PPL: variants seen among roughly 807,000 people sequenced by gnomAD.
PPL encodes the protein 190 kDa paraneoplastic pemphigus antigen.
A neutral mutation model predicts 194.4 loss-of-function variants in PPL; 198 were observed. The observed-to-expected ratio is 1.02, with a 90% confidence interval of 0.91 to 1.15. The LOEUF (loss-of-function observed/expected upper bound fraction) is 1.15, where lower values mean the gene tolerates loss of function less well. PPL is among the 50% of genes most tolerant of loss of function. The probability of loss-of-function intolerance (pLI) is 0.00; values close to 1 mark genes in which losing one functional copy is unlikely to be tolerated. For synonymous variants in PPL, 1,220 were observed against 972.4 expected, an observed-to-expected ratio of 1.25 and a Z score of -4.74; for missense variants, 2,885 against 2,294.8, an observed-to-expected ratio of 1.26 and a Z score of -5.25.
At chr16:4,890,634 G>T in intron 17 of PPL, 94 bp downstream of exon 17, 1 of 1,421,378 alleles carries the variant, frequency 7.0e-7, no homozygotes, top group Non-Finnish European at 9.4e-7. Context: ...AAGAAAAACA[G>T]CAAAATCTGT....
rs1388182499 is a variant in PPL, at chr16:4,933,609, G to C, written c.62+3375C>G. Among the ~76,000 whole-genome samples, 4 of 152,304 alleles carry C rather than the reference G, an allele frequency of 2.6e-5. No homozygotes were observed. The East Asian group carries it at 5.8e-4, about 22-fold the overall frequency. On this transcript the variant is annotated intron_variant, in intron 1 of 21. Coordinates refer to ENST00000345988, the MANE Select transcript of PPL (RefSeq NM_002705.5). ...GAGGCCTGTCACAAAGTATGTGAGT[G>C]GCCAGGGTGGAGACCTCATCTGTCC... is the stretch of plus-strand genomic sequence containing the variant.
rs1596543490 is a variant in PPL at position 4,886,033 on chromosome 16, T to C, written c.2622A>G (p.Glu874=). 2 of 1,613,986 alleles carry C rather than the reference T, an allele frequency of 1.2e-6. No homozygotes were observed. Among genetic ancestry groups the C allele is most frequent in the East Asian group, 4.5e-5 (2 of 44,884 alleles). ...LNLLRQQPEV[E]VTHETLQRNR... ...TCCTTTGCAGGGTCTCATGGGTCAC[T>C]TCTACTTCCGGCTGCTGTGATGGAG... is the stretch of plus-strand genomic sequence containing the variant. The change falls in exon 22 of 22, where the codon GAA becomes GAG. Residue 874 remains glutamate, a synonymous_variant. Transcript: ENST00000345988.
In PPL at chr16:4,895,529, G is replaced by A. The variant is rs367798800; in HGVS notation, c.1095+65C>T. Reference sequence around the variant, plus strand: ...GTGGAGGGGCCTGTACAGGGCTGAGGGCAGGCATGGTGTAGAGGGGTCCCC... The same window carrying A: ...GTGGAGGGGCCTGTACAGGGCTGAGAGCAGGCATGGTGTAGAGGGGTCCCC... On this transcript the variant is annotated intron_variant, in intron 10 of 21. Transcript: ENST00000345988. The A allele has an allele frequency of 3.4e-5, 54 of 1,610,842 alleles. No homozygotes were observed. In the East Asian group the frequency reaches 1.1e-3, roughly 33 times the overall value.
chr16:4,927,139 A>G (rs2089169407), intron 1 of PPL, among the ~76,000 whole-genome samples: 2 of 152,188 alleles, frequency 1.3e-5, no homozygotes, highest in Admixed American at 1.3e-4. Context: ...TTAAAAGATA[A>G]AAGACTCTCC....
At chr16:4,916,321 C>T (rs2088915689) in intron 1 of PPL, among the ~76,000 whole-genome samples, 1 of 151,078 alleles carries the variant, frequency 6.6e-6, no homozygotes, top group Admixed American at 6.6e-5. Context: ...AAATGATTCT[C>T]CTACCTCAGC....
At position 4,896,641 on chromosome 16, in the gene PPL, T is replaced by TG. The variant is rs1344147771; in HGVS notation, c.973-926_973-925insC. Among the ~76,000 whole-genome samples, 528 of 146,530 alleles carry TG rather than the reference T, an allele frequency of 3.6e-3. 4 individuals carry two copies. The highest frequency in any genetic ancestry group is 0.012 in the African/African-American group (500 of 40,120). The stretch of plus-strand genomic sequence containing the variant: ...TACTGCCTAATGAGTACGGGGTTGT[T>TG]TTTTTTTTTTTTTTTTGAGGCGGAG... On this transcript the variant is annotated intron_variant, in intron 9 of 21. Transcript: ENST00000345988.
chr16:4,898,193 C>T (rs1019916824), intron 8 of PPL, among the ~76,000 whole-genome samples: 2 of 152,160 alleles, frequency 1.3e-5, no homozygotes, highest in African/African-American at 4.8e-5. Flanking sequence ...GCCTGGCCCA[C>T]ATGATGAGAC....
Position 4,902,949 on chromosome 16 carries a change from G to A in PPL, c.318-423C>T, listed in dbSNP as rs1050638450. 1.1e-4 allele frequency among the ~76,000 whole-genome samples: 16 copies of A among 152,254 alleles called. No individual in the cohort carries two copies. Among genetic ancestry groups the A allele is most frequent in the African/African-American group, 3.6e-4 (15 of 41,540 alleles). On this transcript the variant is annotated intron_variant, in intron 3 of 21. Transcript: ENST00000345988. This position sits in a 1 kb window ranked among gnomAD's most constrained non-coding sequence, Gnocchi z 4.0. ...GGTGATCCGTCCGCTTCGGCCTCCC[G>A]AAGTGCTGGGATCACAGGCGTGAGC...
chr16:4,919,019 A>T (rs1568046441), intron 1 of PPL, among the ~76,000 whole-genome samples: 1 of 152,164 alleles, frequency 6.6e-6, no homozygotes, highest in Non-Finnish European at 1.5e-5. Context: ...CCATGCAGAC[A>T]CAGACAGCAG....
rs145927654 is a variant in PPL at position 4,918,292 on chromosome 16, C to CAA, written c.63-7345_63-7344dup. On this transcript the variant is annotated intron_variant, in intron 1 of 21. Coordinates refer to ENST00000345988, the MANE Select transcript of PPL (RefSeq NM_002705.5). ...TGGGCGACAGAGCAAGACTCCATTT[C>CAA]AAAAAAAAAAAAAAGGCAAGTGCCA... is the stretch of plus-strand genomic sequence containing the variant. Among the ~76,000 whole-genome samples the CAA allele has an allele frequency of 3.9e-3, 545 of 138,316 alleles. 1 individual carries two copies. The highest frequency in any genetic ancestry group is 8.8e-3 in the South Asian group (38 of 4,330). The allele number at this position is 138,316 out of a possible 152,430, so 90.7% of individuals were successfully genotyped here.
Position 4,895,300 on chromosome 16 carries a change from G to C in PPL, c.1203C>G (p.Pro401=). The change falls in exon 11 of 22, where the codon CCC becomes CCG. Residue 401 remains proline, a synonymous_variant. Transcript: ENST00000345988. ...LKYRRETPLK[P]IPVEALCDFE... ...AGTCACAGAGTGCCTCCACGGGGATGGGCTTGAGCGGAGTCTCCCGGCGGT... is the reference window on the plus strand; with the variant it reads ...AGTCACAGAGTGCCTCCACGGGGATCGGCTTGAGCGGAGTCTCCCGGCGGT... 6.2e-7 allele frequency: 1 copy of C among 1,612,526 alleles called. No homozygotes were observed. Among genetic ancestry groups the C allele is most frequent in the Non-Finnish European group, 8.5e-7 (1 of 1,179,512 alleles).
chr16:4,885,241 C>T lies in PPL; in HGVS notation c.3414G>A (p.Glu1138=), dbSNP rs151203356. ...REVSDLTRQY[E]DEAAKARASQ... is the part of the protein sequence containing the mutation. ...TAGCGCGAGCCTTGGCAGCCTCGTC[C>T]TCATATTGGCGGGTGAGATCGCTGA... The change falls in exon 22 of 22, where the codon GAG becomes GAA. Residue 1138 remains glutamate, a synonymous_variant. Transcript: ENST00000345988. The surrounding 1 kb of genome is among the most constrained non-coding windows in gnomAD (Gnocchi z 6.3). 249 of 1,613,714 alleles carry T rather than the reference C, an allele frequency of 1.5e-4. No homozygotes were observed. The African/African-American group carries it at 3.1e-3, about 20-fold the overall frequency.
chr16:4,891,675 C>T, intron 16 of PPL, 136 bp downstream of exon 16: 1 of 1,117,560 alleles, frequency 8.9e-7, no homozygotes, highest in Non-Finnish European at 1.3e-6. Context: ...CCTCCATTTG[C>T]AGTTCCCAAT....
chr16:4,923,208 G>T (rs1196118833), intron 1 of PPL, among the ~76,000 whole-genome samples: 1 of 152,176 alleles, frequency 6.6e-6, no homozygotes, highest in African/African-American at 2.4e-5. Flanking sequence ...CCCTCCACTG[G>T]TTCTACCTGG....
chr16:4,935,776 G>A (rs536160671), intron 1 of PPL, among the ~76,000 whole-genome samples: 3 of 152,332 alleles, frequency 2.0e-5, no homozygotes, highest in African/African-American at 7.2e-5. Context: ...CGGACTGCAG[G>A]GGTTGAGTGG....
Position 4,902,634 on chromosome 16 carries a change from AC to A in PPL, c.318-109del. On this transcript the variant is annotated intron_variant, in intron 3 of 21. Transcript: ENST00000345988. This position sits in a 1 kb window ranked among gnomAD's most constrained non-coding sequence, Gnocchi z 4.0. Reference sequence around the variant, plus strand: ...CTCAGTGTCCTGGAAGGACACAGTGACCATATGGCCTTGGGTTCCAGACAAT... The same window carrying A: ...CTCAGTGTCCTGGAAGGACACAGTGACATATGGCCTTGGGTTCCAGACAAT... 1.6e-6 allele frequency: 2 copies of A among 1,285,590 alleles called. No individual in the cohort carries two copies. The highest frequency in any genetic ancestry group is 2.1e-6 in the Non-Finnish European group (2 of 939,036). The allele number at this position is 1,285,590 out of a possible 1,614,324, so 79.6% of individuals were successfully genotyped here. A position where few individuals can be genotyped will look rare whatever the true frequency, so the allele number is the denominator to read the frequency against.
intron 2 of PPL, among the ~76,000 whole-genome samples, chr16:4,908,422 T>TTCTTTCTCTCTCTC (rs1555521940): frequency 1.3e-5 from 2 of 148,532 alleles, no homozygotes; most frequent in South Asian, 2.2e-4. Context: ...TCTTCCTTCT[T>TTCTTTCTCTCTCTC]TCTCTCTCTC....
chr16:4,910,839 G>A lies in PPL; in HGVS notation c.162+11C>T. 1.2e-6 allele frequency: 2 copies of A among 1,608,088 alleles called. No individual in the cohort carries two copies. Among genetic ancestry groups the A allele is most frequent in the Non-Finnish European group, 1.7e-6 (2 of 1,174,706 alleles). On this transcript the variant is annotated intron_variant, in intron 2 of 21. Transcript: ENST00000345988. ...GGGCACCCAGGTGGGAGTGGGAGTG[G>A]GGGCACTCACACTCTGCATCTTGGC...
At chr16:4,889,785 G>C (rs140477172) in intron 18 of PPL, among the ~76,000 whole-genome samples, 1 of 152,176 alleles carries the variant, frequency 6.6e-6, no homozygotes, top group African/African-American at 2.4e-5. Flanking sequence ...CCCGGGATTT[G>C]CATCTCAGCC....
Sources: gnomAD v4.1 joint callset for allele counts (sites outside exome capture counted in the v4.1 genomes callset) on GRCh38, gnomAD v4.1.1 for gene constraint, Gnocchi (gnomAD v3.1) non-coding constraint, MANE v1.5 for transcripts, NCBI Gene and HGNC (gene_info 2026-07-23, HGNC 2026-07-21) for gene names.